IL1RAPL1: variants seen among roughly 807,000 people sequenced by gnomAD.
IL1RAPL1 encodes interleukin-1 receptor accessory protein-like 1.
IL1RAPL1 carries 3 observed loss-of-function variants against 48.4 expected under a neutral mutation model. That is an observed-to-expected ratio of 0.06 (90% CI 0.03 to 0.16). IL1RAPL1 has a LOEUF of 0.16. Ranked by LOEUF, IL1RAPL1 falls within the 10% of genes least tolerant of loss-of-function variation. The pLI, the probability that IL1RAPL1 is intolerant of heterozygous loss-of-function variation, is 1.00. For synonymous variants in IL1RAPL1, 185 were observed against 187.7 expected (o/e 0.99, Z 0.12); for missense variants, 349 against 530.6 (o/e 0.66, Z 3.36).
chrX:29,600,926 C>T (rs1202481476), intron 5 of IL1RAPL1, among the ~76,000 whole-genome samples: 1 of 111,226 alleles, frequency 9.0e-6, no homozygotes, highest in African/African-American at 3.3e-5. Flanking sequence ...CCACCATGCC[C>T]CTCCAACAGC....
intron 5 of IL1RAPL1, among the ~76,000 whole-genome samples, chrX:29,483,293 A>G (rs1432901496): frequency 8.9e-6 from 1 of 111,824 alleles, no homozygotes; most frequent in Non-Finnish European, 1.9e-5. Flanking sequence ...ACTGAACTGA[A>G]TTAAAATGGG....
chrX:29,764,469 A>G (rs1237491086), intron 6 of IL1RAPL1, among the ~76,000 whole-genome samples: 1 of 111,857 alleles, frequency 8.9e-6, no homozygotes, highest in East Asian at 2.8e-4. Flanking sequence ...TAAAATTCAA[A>G]TGACTCTGGA....
chrX:28,725,458 G>T (rs966555455), intron 1 of IL1RAPL1, among the ~76,000 whole-genome samples: 1 of 111,095 alleles, frequency 9.0e-6, no homozygotes, highest in African/African-American at 3.3e-5. Flanking sequence ...TATTATTACC[G>T]GGTAATTATG....
chrX:29,583,119 T>C (rs1443390445), intron 5 of IL1RAPL1, among the ~76,000 whole-genome samples: 1 of 105,127 alleles, frequency 9.5e-6, no homozygotes, highest in African/African-American at 3.6e-5. Flanking sequence ...TCATACTGAA[T>C]GGGCAAAAAC....
chrX:29,634,291 A>G (rs768342277), intron 5 of IL1RAPL1, among the ~76,000 whole-genome samples: 3 of 111,550 alleles, frequency 2.7e-5, no homozygotes, highest in Non-Finnish European at 3.8e-5. Flanking sequence ...TCTTAGATCA[A>G]TGTCCCCACT....
intron 2 of IL1RAPL1, among the ~76,000 whole-genome samples, chrX:28,957,699 C>T (rs912033453): frequency 2.7e-5 from 3 of 109,840 alleles, no homozygotes; most frequent in South Asian, 4.0e-4. Flanking sequence ...CGGTGGCTCA[C>T]GCCTGTAATC....
intron 2 of IL1RAPL1, among the ~76,000 whole-genome samples, chrX:29,125,874 T>TAAA (rs5901911): frequency 9.8e-5 from 10 of 101,698 alleles, no homozygotes; most frequent in Admixed American, 3.3e-4. Context: ...CTGAAATGGT[T>TAAA]AAAAAAAAAA....
intron 5 of IL1RAPL1, among the ~76,000 whole-genome samples, chrX:29,503,625 A>T (rs1243353873): frequency 9.0e-6 from 1 of 111,083 alleles, no homozygotes; most frequent in Admixed American, 9.6e-5. Context: ...ATTCCAGAGC[A>T]TGTTGCTAAA....
At chrX:29,714,927 A>C (rs900411533) in intron 6 of IL1RAPL1, among the ~76,000 whole-genome samples, 1 of 111,567 alleles carries the variant, frequency 9.0e-6, no homozygotes, top group Non-Finnish European at 1.9e-5. Flanking sequence ...TTATTTTCAT[A>C]ATCTTCAATC....
intron 2 of IL1RAPL1, among the ~76,000 whole-genome samples, chrX:29,003,964 G>A (rs775034435): frequency 2.7e-5 from 3 of 111,506 alleles, no homozygotes; most frequent in Non-Finnish European, 5.7e-5. Flanking sequence ...CAACATGGCA[G>A]AACCCCGTCT....
chrX:29,720,952 T>C (rs1018260236), intron 6 of IL1RAPL1, among the ~76,000 whole-genome samples: 4 of 112,253 alleles, frequency 3.6e-5, no homozygotes, highest in African/African-American at 1.3e-4. Flanking sequence ...GATTCTCCTA[T>C]GAACTTGAAA....
chrX:29,436,240 A>G (rs1220038221), intron 5 of IL1RAPL1, among the ~76,000 whole-genome samples: 1 of 110,451 alleles, frequency 9.1e-6, no homozygotes, highest in Non-Finnish European at 1.9e-5. Flanking sequence ...CTGATGAATA[A>G]AAATAACTCC....
At chrX:29,843,885 T>C (rs1007625500) in intron 6 of IL1RAPL1, among the ~76,000 whole-genome samples, 2 of 110,592 alleles carry the variant, frequency 1.8e-5, no homozygotes, top group African/African-American at 3.3e-5. Context: ...AAGATCCTTA[T>C]GACTGGACCC....
intron 2 of IL1RAPL1, among the ~76,000 whole-genome samples, chrX:29,234,107 C>T (rs1053885794): frequency 5.3e-5 from 6 of 112,186 alleles, no homozygotes; most frequent in African/African-American, 1.6e-4. Context: ...AATACTGCTT[C>T]GTGAGACTCG....
chrX:29,178,055 C>T (rs748070436), intron 2 of IL1RAPL1, among the ~76,000 whole-genome samples: 3 of 111,564 alleles, frequency 2.7e-5, no homozygotes, highest in Non-Finnish European at 3.8e-5. Context: ...AATAAACGTA[C>T]GTGTGCATGT....
At chrX:28,689,864 T>C (rs1393217407) in intron 1 of IL1RAPL1, among the ~76,000 whole-genome samples, 2 of 111,478 alleles carry the variant, frequency 1.8e-5, no homozygotes, top group Non-Finnish European at 3.8e-5. Context: ...AAGAGAGCAT[T>C]AGAGAGTCTC....
rs184704989 is a variant in IL1RAPL1 at position 29,210,208 on chromosome X, C to T, written c.83-72730C>T. ...CCAATTAAATATGATTTAATTTTAC[C>T]CATTATTTGCTTTTTAAACTAAGAC... On this transcript the variant is annotated intron_variant, in intron 2 of 10. Coordinates refer to ENST00000378993, the MANE Select transcript of IL1RAPL1 (RefSeq NM_014271.4). 2.1e-3 allele frequency among the ~76,000 whole-genome samples: 232 copies of T among 111,547 alleles called. 2 individuals are homozygous for T. Among genetic ancestry groups the T allele is most frequent in the African/African-American group, 7.2e-3 (221 of 30,767 alleles).
chrX:29,332,173 C>A (rs778469732), intron 3 of IL1RAPL1, among the ~76,000 whole-genome samples: 26 of 63,988 alleles, frequency 4.1e-4, no homozygotes, highest in Admixed American at 4.0e-3. Flanking sequence ...GATGAATAAT[C>A]CTTGGCAGAT....
chrX:29,189,034 T>C (rs1930306386), intron 2 of IL1RAPL1, among the ~76,000 whole-genome samples: 1 of 112,494 alleles, frequency 8.9e-6, no homozygotes. Flanking sequence ...GTGTTGTTTT[T>C]GTTTTTTGTT....
Sources: gnomAD v4.1 joint callset for allele counts (sites outside exome capture counted in the v4.1 genomes callset) on GRCh38, gnomAD v4.1.1 for gene constraint, MANE v1.5 for transcripts, NCBI Gene and HGNC (gene_info 2026-07-23, HGNC 2026-07-21) for gene names.